The following GPR89B variants were observed in gnomAD, a reference collection of about 807,000 sequenced individuals.
The protein encoded by GPR89B is G protein-coupled receptor 89B.
Under a neutral mutation model 52.4 loss-of-function variants are expected in GPR89B, and 25 were observed. That is an observed-to-expected ratio of 0.48 (90% CI 0.35 to 0.67). The LOEUF (loss-of-function observed/expected upper bound fraction) is 0.67. GPR89B is among the 30% of genes least tolerant of loss of function. The pLI is 0.01. For synonymous variants in GPR89B, 52 were observed against 151.2 expected (o/e 0.34, Z 4.81); for missense variants, 146 against 450.2 (o/e 0.32, Z 6.11).
At chr1:147,970,533 CTA>C (rs1164016931) in intron 10 of GPR89B, among the ~76,000 whole-genome samples, 1,778 of 122,378 alleles carry the variant, frequency 0.015, no homozygotes, top group Middle Eastern at 0.025. Context: ...CTCTCTCTCT[CTA>C]TCTCTATCTC....
At chr1:148,003,461 G>A in the GPR89B span, among the ~76,000 whole-genome samples, 1 of 152,132 alleles carries the variant, frequency 6.6e-6, no homozygotes, top group Non-Finnish European at 1.5e-5. Context: ...TTGGACATGG[G>A]AGGAGTATTT....
At chr1:147,959,380 T>A (rs1656369417) in intron 7 of GPR89B, among the ~76,000 whole-genome samples, 1 of 152,102 alleles carries the variant, frequency 6.6e-6, no homozygotes, top group African/African-American at 2.4e-5. Flanking sequence ...GGAAAGAATT[T>A]AAGCAATTCT....
At chr1:147,976,761 T>A (rs1320537033) in intron 10 of GPR89B, among the ~76,000 whole-genome samples, 25 of 152,130 alleles carry the variant, frequency 1.6e-4, no homozygotes, top group Admixed American at 1.6e-3. Context: ...TACTTCAGTG[T>A]GTTTTTGTAG....
intron 7 of GPR89B, among the ~76,000 whole-genome samples, chr1:147,959,768 G>A (rs1448935042): frequency 1.3e-5 from 2 of 152,080 alleles, no homozygotes; most frequent in African/African-American, 2.4e-5. Context: ...AACTAGAAGA[G>A]AGTCTATCCT....
intron 7 of GPR89B, among the ~76,000 whole-genome samples, chr1:147,955,496 G>A (rs2149061587): frequency 1.3e-5 from 2 of 151,908 alleles, no homozygotes; most frequent in Admixed American, 1.3e-4. Flanking sequence ...ATTTTCCATA[G>A]GGTTGTGCTA....
chr1:147,937,820 G>A (rs782105245), intron 2 of GPR89B, among the ~76,000 whole-genome samples: 2 of 152,234 alleles, frequency 1.3e-5, no homozygotes, highest in African/African-American at 4.8e-5. Context: ...TACAGTTAAC[G>A]CAATCATCAC....
chr1:147,999,104 A>G, the GPR89B span, among the ~76,000 whole-genome samples: 1 of 151,518 alleles, frequency 6.6e-6, no homozygotes, highest in South Asian at 2.1e-4. Flanking sequence ...CAAAACAGAA[A>G]AATTACAATT....
intron 11 of GPR89B, among the ~76,000 whole-genome samples, chr1:147,987,117 T>C (rs1658724205): frequency 6.6e-6 from 1 of 152,202 alleles, no homozygotes; most frequent in Admixed American, 6.5e-5. Flanking sequence ...CCCCAATCCT[T>C]GAGAAACAGC....
At chr1:147,933,368 G>A (rs1653809425) in intron 1 of GPR89B, among the ~76,000 whole-genome samples, 1 of 151,600 alleles carries the variant, frequency 6.6e-6, no homozygotes. Flanking sequence ...TTATCCTCTA[G>A]TGTTTTCTTC....
At chr1:148,018,019 G>A in the GPR89B span, among the ~76,000 whole-genome samples, 5 of 147,294 alleles carry the variant, frequency 3.4e-5, no homozygotes, top group Non-Finnish European at 4.4e-5. Context: ...CCTTCTTCCT[G>A]TGCACCTGAG....
chr1:147,974,924 A>G (rs1657728130), intron 10 of GPR89B, among the ~76,000 whole-genome samples: 2 of 150,858 alleles, frequency 1.3e-5, no homozygotes, highest in Admixed American at 6.6e-5. Flanking sequence ...GTCTATTGAG[A>G]TAATCATGTG....
the GPR89B span, among the ~76,000 whole-genome samples, chr1:148,008,107 C>A: frequency 6.6e-6 from 1 of 151,904 alleles, no homozygotes; most frequent in Non-Finnish European, 1.5e-5. Flanking sequence ...TCTTGTATGT[C>A]AACCTAGGCA....
At chr1:148,008,942 C>A in the GPR89B span, among the ~76,000 whole-genome samples, 1 of 152,164 alleles carries the variant, frequency 6.6e-6, no homozygotes, top group Non-Finnish European at 1.5e-5. Flanking sequence ...AGATACCAAT[C>A]TTACTCAAAA....
intron 10 of GPR89B, among the ~76,000 whole-genome samples, chr1:147,976,545 CAT>C (rs1657836257): frequency 6.9e-6 from 1 of 144,788 alleles, no homozygotes; most frequent in South Asian, 2.3e-4. Context: ...TGTCTTTGCA[CAT>C]GAGAGGGGCC....
chr1:148,000,400 T>G, the GPR89B span, among the ~76,000 whole-genome samples: 1 of 152,102 alleles, frequency 6.6e-6, no homozygotes, highest in Admixed American at 6.5e-5. Flanking sequence ...AAAAAAGCCA[T>G]TAATCTAATT....
the GPR89B span, chr1:148,005,466 C>T: frequency 6.2e-7 from 1 of 1,604,950 alleles, no homozygotes; most frequent in Non-Finnish European, 8.5e-7. Flanking sequence ...CTCTCATAGC[C>T]ACACCTTGAG....
chr1:147,958,070 G>GA (rs1200731603), intron 7 of GPR89B, among the ~76,000 whole-genome samples: 6,346 of 131,804 alleles, frequency 0.048, 152 homozygotes, highest in African/African-American at 0.078. Flanking sequence ...TCTCAAAAAA[G>GA]AAAAAAAAAA....
intron 1 of GPR89B, among the ~76,000 whole-genome samples, chr1:147,932,567 CT>C (rs1187053010): frequency 6.6e-6 from 1 of 152,150 alleles, no homozygotes; most frequent in African/African-American, 2.4e-5. Flanking sequence ...TCAAAGCTCC[CT>C]TTTCTAACTC....
At chr1:147,928,613 C>T (rs782727204) in intron 1 of GPR89B, 35 bp downstream of exon 1, 1 of 1,613,366 alleles carries the variant, frequency 6.2e-7, no homozygotes, top group Non-Finnish European at 8.5e-7. Flanking sequence ...CACCCGTCCG[C>T]CTCCCTTCAC....
Sources: gnomAD v4.1 joint callset for allele counts (sites outside exome capture counted in the v4.1 genomes callset) on GRCh38, gnomAD v4.1.1 for gene constraint, MANE v1.5 for transcripts, NCBI Gene and HGNC (gene_info 2026-07-23, HGNC 2026-07-21) for gene names.